The following PARN variants were observed in gnomAD, a reference collection of about 807,000 sequenced individuals.
The protein encoded by PARN is poly(A)-specific ribonuclease PARN.
Under a neutral mutation model 102.8 loss-of-function variants are expected in PARN, and 71 were observed. That is an observed-to-expected ratio of 0.69 (90% CI 0.57 to 0.84). The LOEUF (loss-of-function observed/expected upper bound fraction) is 0.84. Among genes scored for constraint, PARN ranks in the 40% least tolerant of loss-of-function variants. The pLI, the probability that PARN is intolerant of heterozygous loss-of-function variation, is 0.00. For missense variants in PARN, 782 were observed against 760.9 expected (o/e 1.03, Z -0.33); for synonymous variants, 261 against 252.9 (o/e 1.03, Z -0.30).
chr16:14,597,873 G>C (rs2151775643), intron 12 of PARN, among the ~76,000 whole-genome samples: 1 of 152,282 alleles, frequency 6.6e-6, no homozygotes, highest in Non-Finnish European at 1.5e-5. Context: ...GCCGGGCATG[G>C]TGGCTCACAC....
chr16:14,514,886 C>CA (rs1428727086), intron 21 of PARN, among the ~76,000 whole-genome samples: 1 of 152,164 alleles, frequency 6.6e-6, no homozygotes, highest in Non-Finnish European at 1.5e-5. Flanking sequence ...CACTCCATGG[C>CA]ATAAATAAGG....
At chr16:14,467,237 G>C (rs1962416035) in intron 22 of PARN, among the ~76,000 whole-genome samples, 2 of 152,128 alleles carry the variant, frequency 1.3e-5, no homozygotes, top group South Asian at 4.1e-4. Flanking sequence ...GAAGGAACAG[G>C]GTATGATGGC....
chr16:14,501,469 A>G (rs1409998387), intron 21 of PARN: 1 of 148,110 alleles, frequency 6.8e-6, no homozygotes, highest in Non-Finnish European at 1.5e-5. Context: ...AACAGAAAGA[A>G]AAAGAGAATG....
intron 12 of PARN, among the ~76,000 whole-genome samples, chr16:14,594,686 A>T (rs1970397790): frequency 6.6e-6 from 1 of 152,212 alleles, no homozygotes; most frequent in Admixed American, 6.5e-5. Flanking sequence ...ACTGCACTCC[A>T]GCCTGGGCGA....
In PARN at chr16:14,436,136, G is replaced by T. The variant is rs1419603673; in HGVS notation, c.*581C>A. On this transcript the variant is annotated 3_prime_UTR_variant, in exon 24 of 24. Coordinates refer to ENST00000437198, the MANE Select transcript of PARN (RefSeq NM_002582.4). ...ATATGCCCAAAGGCCAGGGCATACG[G>T]CAAGCCCTCTCATGGGTGGGCATGA... 6.5e-6 allele frequency: 1 copy of T among 153,650 alleles called. No homozygotes were observed. The highest frequency in any genetic ancestry group is 1.5e-5 in the Non-Finnish European group (1 of 68,958). 9.5% of individuals were successfully genotyped at this position (153,650 alleles called of 1,614,324 possible).
At chr16:14,489,888 G>A (rs1963964423) in intron 21 of PARN, among the ~76,000 whole-genome samples, 1 of 152,236 alleles carries the variant, frequency 6.6e-6, no homozygotes, top group South Asian at 2.1e-4. Flanking sequence ...AACAAAGAGG[G>A]CTGGACATGG....
intron 20 of PARN, among the ~76,000 whole-genome samples, chr16:14,553,597 C>T (rs1261771423): frequency 6.6e-6 from 1 of 152,116 alleles, no homozygotes; most frequent in Admixed American, 6.6e-5. Flanking sequence ...ACTGCTCAAA[C>T]GAACCTAATC....
intron 18 of PARN, among the ~76,000 whole-genome samples, chr16:14,580,414 A>C (rs1018358903): frequency 3.3e-5 from 5 of 151,848 alleles, no homozygotes; most frequent in African/African-American, 1.2e-4. Context: ...CAGCCTCCCG[A>C]GTAGCTGGGA....
chr16:14,439,394 A>AAAGG (rs1960849520), intron 23 of PARN, among the ~76,000 whole-genome samples: 1 of 99,414 alleles, frequency 1.0e-5, no homozygotes. Context: ...AAAAAAAAAT[A>AAAGG]GAGGGAGGGA....
chr16:14,513,096 T>C (rs1022575492), intron 21 of PARN, among the ~76,000 whole-genome samples: 32 of 152,222 alleles, frequency 2.1e-4, no homozygotes, highest in African/African-American at 7.7e-4. Flanking sequence ...GACTAGTTTT[T>C]GTATTTTTAG....
chr16:14,526,830 G>A (rs1252617901), intron 21 of PARN, among the ~76,000 whole-genome samples: 4 of 152,156 alleles, frequency 2.6e-5, no homozygotes, highest in African/African-American at 4.8e-5. Flanking sequence ...GGGCCTCCCT[G>A]CAGCCAGCCC....
At chr16:14,585,819 T>G (rs929687150) in intron 14 of PARN, among the ~76,000 whole-genome samples, 1 of 152,166 alleles carries the variant, frequency 6.6e-6, no homozygotes, top group Admixed American at 6.6e-5. Context: ...TCACTCTCAG[T>G]TCAAACTGTG....
chr16:14,544,845 C>A (rs979332997), intron 21 of PARN, among the ~76,000 whole-genome samples: 1 of 152,086 alleles, frequency 6.6e-6, no homozygotes, highest in African/African-American at 2.4e-5. Context: ...GCGATTTTAA[C>A]CCTTCTCAAA....
At chr16:14,591,535 A>G (rs1421346273) in intron 13 of PARN, among the ~76,000 whole-genome samples, 4 of 152,218 alleles carry the variant, frequency 2.6e-5, no homozygotes, top group Admixed American at 2.0e-4. Context: ...TACGTATTCT[A>G]TGGCATTTCG....
Position 14,629,651 on chromosome 16 carries a change from C to G in PARN, c.43G>C (p.Val15Leu). ...RSNFKSNLHK[V>L]YQAIEEADFF... ...TCGGCCTCCTCTATGGCCTGGTACA[C>G]TTTGTGAAGATTACTCTTAAAATCT... Residue 15 changes from valine to leucine, a missense_variant, in exon 2 of 24, where the codon GTG (valine) becomes CTG (leucine). By Grantham distance (32) the Val-to-Leu change is conservative. Transcript: ENST00000437198. The G allele has an allele frequency of 6.2e-7, 1 of 1,613,326 alleles. No individual in the cohort carries two copies.
chr16:14,451,303 C>G (rs1028080776), intron 22 of PARN, among the ~76,000 whole-genome samples: 2 of 152,194 alleles, frequency 1.3e-5, no homozygotes, highest in Admixed American at 6.5e-5. Context: ...CTTTCCTTTC[C>G]ATGCTTCCCA....
At chr16:14,574,801 G>A (rs1350823313) in intron 18 of PARN, among the ~76,000 whole-genome samples, 5 of 152,186 alleles carry the variant, frequency 3.3e-5, no homozygotes, top group Non-Finnish European at 7.3e-5. Flanking sequence ...CAAAGACAAT[G>A]GGGAAAATGT....
At chr16:14,568,914 A>T (rs1315163192) in intron 18 of PARN, among the ~76,000 whole-genome samples, 2 of 151,790 alleles carry the variant, frequency 1.3e-5, no homozygotes, top group African/African-American at 4.8e-5. Context: ...AAATTAAATT[A>T]AATTTTTTAA....
chr16:14,519,398 A>G (rs1965625253), intron 21 of PARN, among the ~76,000 whole-genome samples: 1 of 151,564 alleles, frequency 6.6e-6, no homozygotes, highest in Non-Finnish European at 1.5e-5. Flanking sequence ...TCTGTTGTAA[A>G]GCTCAGAAAC....
Sources: allele counts gnomAD v4.1 joint callset (sites outside exome capture counted in the v4.1 genomes callset), GRCh38; gene constraint gnomAD v4.1.1; transcripts MANE v1.5; gene names NCBI Gene and HGNC (gene_info 2026-07-23, HGNC 2026-07-21).